The following KRT26 variants were observed in gnomAD, a reference collection of about 807,000 sequenced individuals.
KRT26 encodes the protein keratin 26.
Under a neutral mutation model 46.1 loss-of-function variants are expected in KRT26, and 45 were observed. The observed-to-expected ratio is 0.98, with a 90% confidence interval of 0.77 to 1.25. The LOEUF is 1.25. KRT26 is among the 50% of genes most tolerant of loss of function. KRT26 has a pLI of 0.00. For missense variants in KRT26, 582 were observed against 560.1 expected, an observed-to-expected ratio of 1.04 and a Z score of -0.39; for synonymous variants, 191 against 209.9, an observed-to-expected ratio of 0.91 and a Z score of 0.78.
At chr17:40,768,381 A>G (rs918407918) in intron 6 of KRT26, among the ~76,000 whole-genome samples, 2 of 152,232 alleles carry the variant, frequency 1.3e-5, no homozygotes, top group African/African-American at 4.8e-5. Flanking sequence ...AAGGTTAAAC[A>G]ATGTGCTCAT....
chr17:40,770,386 TGCAGAGCCA>T, exon 3 of KRT26: 1 of 1,599,968 alleles, frequency 6.3e-7, no homozygotes, highest in Non-Finnish European at 8.5e-7. Flanking sequence ...AACACTGTGG[TGCAGAGCCA>T]GCTCATTTTC....
At chr17:40,766,572 C>G in exon 8 of KRT26, 1 of 1,613,594 alleles carries the variant, frequency 6.2e-7, no homozygotes, top group East Asian at 2.2e-5. Context: ...TTTTAGAGGA[C>G]TTTTCTTCAA....
At chr17:40,771,956 C>G in exon 1 of KRT26, 1 of 1,614,222 alleles carries the variant, frequency 6.2e-7, no homozygotes, top group Non-Finnish European at 8.5e-7. Context: ...GAAGCTTCCT[C>G]CAGAAGAGAT....
intron 4 of KRT26, 24 bp from the exon 5 acceptor site, chr17:40,769,903 T>C: frequency 6.2e-7 from 1 of 1,614,040 alleles, no homozygotes; most frequent in Non-Finnish European, 8.5e-7. Context: ...GTCGAAAGGG[T>C]TAGTGACTGG....
chr17:40,767,123 A>G (rs2038178533), intron 7 of KRT26, among the ~76,000 whole-genome samples: 1 of 152,230 alleles, frequency 6.6e-6, no homozygotes, highest in Non-Finnish European at 1.5e-5. Context: ...AGTGTTTAGC[A>G]AGATCCTGGA....
intron 5 of KRT26, 90 bp downstream of exon 5, chr17:40,769,664 A>G (rs939142973): frequency 1.2e-5 from 16 of 1,297,216 alleles, no homozygotes; most frequent in Non-Finnish European, 1.6e-5. Context: ...GTAAATGGTT[A>G]TACGTACTTG....
rs756573718 is a variant in KRT26 at position 40,769,960 on chromosome 17, C to T, written c.843+1G>A. 1.9e-6 allele frequency: 3 copies of T among 1,614,150 alleles called. No individual in the cohort carries two copies. Among genetic ancestry groups the T allele is most frequent in the Non-Finnish European group, 2.5e-6 (3 of 1,180,036 alleles). ...CCCTTTGTAATTTGCCATAGACCTA[C>T]CCTCTCGTTGAACCAGGCTTCAGCA... On this transcript the variant is annotated splice_donor_variant, in intron 4 of 7. Coordinates refer to ENST00000335552, the Ensembl canonical transcript of KRT26. LOFTEE classifies it high-confidence loss of function.
exon 8 of KRT26, chr17:40,766,438 T>C: frequency 1.6e-6 from 2 of 1,281,644 alleles, no homozygotes; most frequent in Middle Eastern, 2.7e-4. Flanking sequence ...CAGTAGGATT[T>C]TTGCAAAGGC....
chr17:40,771,837 G>T, exon 1 of KRT26: 1 of 1,613,130 alleles, frequency 6.2e-7, no homozygotes, highest in South Asian at 1.1e-5. Context: ...GATGCCAGGC[G>T]GTCGTTGAGA....
chr17:40,768,900 T>C (rs2038193335), exon 6 of KRT26: 2 of 1,587,546 alleles, frequency 1.3e-6, no homozygotes, highest in Non-Finnish European at 1.7e-6. Context: ...ATCTAGTAAG[T>C]TGCAATAAAT....
chr17:40,770,230 A>G, intron 3 of KRT26, 23 bp downstream of exon 3: 1 of 1,614,140 alleles, frequency 6.2e-7, no homozygotes, highest in Non-Finnish European at 8.5e-7. Context: ...AACTGTATGA[A>G]GCCACTCTGC....
At chr17:40,766,923 A>AT (rs1392398263) in intron 7 of KRT26, among the ~76,000 whole-genome samples, 3 of 152,142 alleles carry the variant, frequency 2.0e-5, no homozygotes, top group Non-Finnish European at 2.9e-5. Context: ...TATTCTTAGT[A>AT]GAGATGGAGT....
intron 1 of KRT26, 23 bp downstream of exon 1, chr17:40,771,650 G>C: frequency 6.4e-7 from 1 of 1,569,674 alleles, no homozygotes; most frequent in Non-Finnish European, 8.7e-7. Context: ...TGTAGTAAAA[G>C]TATGCAAATC....
chr17:40,770,463 C>G (rs1335879596), intron 2 of KRT26, 54 bp from the exon 3 acceptor site: 1 of 1,433,436 alleles, frequency 7.0e-7, no homozygotes, highest in African/African-American at 1.4e-5. Flanking sequence ...GTGCAAAGCA[C>G]AACTTTTTAA....
At chr17:40,771,595 CA>C in intron 1 of KRT26, 77 bp downstream of exon 1, 1 of 1,322,484 alleles carries the variant, frequency 7.6e-7, no homozygotes, top group Non-Finnish European at 1.0e-6. Context: ...ATTTGTTAGG[CA>C]CATTTTATAT....
chr17:40,771,167 C>A, exon 2 of KRT26: 1 of 1,595,784 alleles, frequency 6.3e-7, no homozygotes, highest in South Asian at 1.1e-5. Flanking sequence ...AGCCTGAAGT[C>A]ATCAGCGGTC....
Position 40,767,579 on chromosome 17 carries a change from T to C in KRT26, c.1255+7A>G. ...AGTTACACCAGGTAAAAAAAATCTATCTATACCTTTGGCTTGATTTCCAGA... is the reference window on the plus strand; with the variant it reads ...AGTTACACCAGGTAAAAAAAATCTACCTATACCTTTGGCTTGATTTCCAGA... On this transcript the variant is annotated splice_region_variant and intron_variant, in intron 7 of 7. Coordinates refer to ENST00000335552, the Ensembl canonical transcript of KRT26. The C allele has an allele frequency of 1.3e-6, 2 of 1,586,314 alleles. No individual in the cohort carries two copies. Among genetic ancestry groups the C allele is most frequent in the Non-Finnish European group, 1.7e-6 (2 of 1,162,104 alleles).
In KRT26 at chr17:40,769,948, G is replaced by T; in HGVS notation, c.843+13C>A. On this transcript the variant is annotated intron_variant, in intron 4 of 7. Transcript: ENST00000335552. ...CTCCTGAGCAAGCCCTTTGTAATTT[G>T]CCATAGACCTACCCTCTCGTTGAAC... The T allele has an allele frequency of 6.2e-7, 1 of 1,614,102 alleles. No homozygotes were observed. Among genetic ancestry groups the T allele is most frequent in the Non-Finnish European group, 8.5e-7 (1 of 1,180,016 alleles).
In KRT26 at chr17:40,771,206, T is replaced by C; in HGVS notation, c.472A>G (p.Ile158Val). Reference sequence around the variant, plus strand: ...CTGGCATTGTCATTTTGTAGAACAATGCTGGCATTGCAGATGGTCGCAGAA... The same window carrying C: ...CTGGCATTGTCATTTTGTAGAACAACGCTGGCATTGCAGATGGTCGCAGAA... The change falls in exon 2 of 8, where the codon ATT becomes GTT. Residue 158 changes from isoleucine (I) to valine (V), a missense_variant. Transcript: ENST00000335552. 2 of 1,607,618 alleles carry C rather than the reference T, an allele frequency of 1.2e-6. No individual in the cohort carries two copies. The highest frequency in any genetic ancestry group is 1.7e-5 in the Admixed American group (1 of 59,894).
Sources: allele counts gnomAD v4.1 joint callset (sites outside exome capture counted in the v4.1 genomes callset), GRCh38; gene constraint gnomAD v4.1.1; transcripts MANE v1.5; gene names NCBI Gene and HGNC (gene_info 2026-07-23, HGNC 2026-07-21).